Variants in PLD5 observed in about 807,000 individuals in gnomAD.
PLD5 encodes phospholipase D family member 5, also known as inactive phospholipase D5.
A neutral mutation model predicts 61.1 loss-of-function variants in PLD5; 36 were observed. The ratio of observed to expected loss-of-function variants is 0.59; its 90% CI spans 0.45 to 0.78. The LOEUF (loss-of-function observed/expected upper bound fraction) is 0.78, where lower values mean the gene tolerates loss of function less well. PLD5 is among the 30% of genes least tolerant of loss of function. The pLI, the probability that PLD5 is intolerant of heterozygous loss-of-function variation, is 0.00. For missense variants in PLD5, 515 were observed against 644.4 expected (o/e 0.80, Z 2.17); for synonymous variants, 243 against 242.8 (o/e 1.00, Z -0.01).
intron 5 of PLD5, among the ~76,000 whole-genome samples, chr1:242,201,436 T>C (rs1238009890): frequency 2.0e-5 from 3 of 152,160 alleles, no homozygotes; most frequent in Non-Finnish European, 2.9e-5. Context: ...AGTGAATCTT[T>C]GTTAATATAG....
chr1:242,097,664 A>G lies in PLD5; in HGVS notation c.1354+3004T>C, dbSNP rs372883364. ...GATATTAGCCCTTTGTCAGATGAGT[A>G]GATTGCAAAAATTTTCTCCCATTCT... is the stretch of plus-strand genomic sequence containing the variant. On this transcript the variant is annotated intron_variant, in intron 9 of 9. Transcript: ENST00000536534. 1.4e-3 allele frequency among the ~76,000 whole-genome samples: 219 copies of G among 152,296 alleles called. 3 individuals are homozygous for G. In the East Asian group the frequency reaches 0.036, roughly 25 times the overall value.
chr1:242,496,701 AG>A (rs1668381270), intron 1 of PLD5, among the ~76,000 whole-genome samples: 1 of 152,230 alleles, frequency 6.6e-6, no homozygotes, highest in African/African-American at 2.4e-5. Context: ...TATCTAAAGA[AG>A]CTCAGAACTC....
At chr1:242,168,846 G>GTTTTTTTGTTTTTTTTTT (rs1666520219) in intron 5 of PLD5, among the ~76,000 whole-genome samples, 1 of 111,266 alleles carries the variant, frequency 9.0e-6, no homozygotes, top group African/African-American at 3.7e-5. Flanking sequence ...AATTAATGAA[G>GTTTTTTTGTTTTTTTTTT]TTTTTTTTTT....
chr1:242,491,853 A>G (rs1668163646), intron 1 of PLD5, among the ~76,000 whole-genome samples: 1 of 152,206 alleles, frequency 6.6e-6, no homozygotes, highest in Non-Finnish European at 1.5e-5. Flanking sequence ...CTTTCCACAC[A>G]TATTCTTAAC....
At position 242,139,635 on chromosome 1, in the gene PLD5, C is replaced by T. The variant is rs950607715; in HGVS notation, c.736-14970G>A. Among the ~76,000 whole-genome samples the T allele has an allele frequency of 8.5e-5, 13 of 152,232 alleles. No homozygotes were observed. The East Asian group carries it at 1.4e-3, about 16-fold the overall frequency. On this transcript the variant is annotated intron_variant, in intron 5 of 9. Transcript: ENST00000536534. ...CTCCTCTCCCTGCAGTTTCCTTTTG[C>T]GCCTTGCAGTGGTGAGAAGCTGCTT... is the stretch of plus-strand genomic sequence containing the variant.
chr1:242,150,822 T>C (rs1156303798), intron 5 of PLD5, among the ~76,000 whole-genome samples: 1 of 151,918 alleles, frequency 6.6e-6, no homozygotes, highest in Non-Finnish European at 1.5e-5. Flanking sequence ...TAGATTAAAA[T>C]GTACTATTTT....
rs1558344353 is a variant in PLD5, at chr1:242,207,884, A to ATTTATATATTT, written c.735+12103_735+12104insAAATATATAAA. Among the ~76,000 whole-genome samples the ATTTATATATTT allele has an allele frequency of 7.0e-5, 2 of 28,622 alleles. 1 individual carries two copies. The highest frequency in any genetic ancestry group is 1.2e-4 in the Non-Finnish European group (2 of 16,882). The allele number at this position is 28,622 out of a possible 152,430, so 18.8% of individuals were successfully genotyped here. Reference sequence around the variant, plus strand: ...TTTATATATTTATATATATTTATATATTTATATATATTTATATATTTATAT... The same window carrying ATTTATATATTT: ...TTTATATATTTATATATATTTATATATTTATATATTTTTTATATATATTTATATATTTATAT... On this transcript the variant is annotated intron_variant, in intron 5 of 9. Transcript: ENST00000536534.
At chr1:242,395,683 A>T (rs1249196878) in intron 1 of PLD5, among the ~76,000 whole-genome samples, 1 of 152,162 alleles carries the variant, frequency 6.6e-6, no homozygotes, top group Non-Finnish European at 1.5e-5. Context: ...ACATAAAGAG[A>T]TGCAACCTGG....
intron 1 of PLD5, among the ~76,000 whole-genome samples, chr1:242,510,188 C>T (rs927184644): frequency 9.9e-5 from 15 of 152,074 alleles, no homozygotes; most frequent in African/African-American, 3.1e-4. Flanking sequence ...ACCCCTTTCC[C>T]GCACGCAGGC....
intron 5 of PLD5, among the ~76,000 whole-genome samples, chr1:242,181,230 T>G (rs1667496846): frequency 6.6e-6 from 1 of 152,120 alleles, no homozygotes; most frequent in Non-Finnish European, 1.5e-5. Flanking sequence ...AGCTCTCAAA[T>G]GATGCCAATA....
rs113712802 is a variant in PLD5, at chr1:242,404,075, T to G, written c.190-55833A>C. Among the ~76,000 whole-genome samples, 568 of 152,270 alleles carry G rather than the reference T, an allele frequency of 3.7e-3. 5 individuals carry two copies. The highest frequency in any genetic ancestry group is 0.013 in the African/African-American group (541 of 41,544). On this transcript the variant is annotated intron_variant, in intron 1 of 9. Coordinates refer to ENST00000536534, the MANE Select transcript of PLD5 (RefSeq NM_001372062.1). ...TATGCCAGTGCTGGAGATAGAGCTG[T>G]GGGCAACAGAAACCGGTCCCTGCCC...
chr1:242,349,884 G>A (rs1484704896), intron 1 of PLD5, among the ~76,000 whole-genome samples: 1 of 152,168 alleles, frequency 6.6e-6, no homozygotes, highest in African/African-American at 2.4e-5. Flanking sequence ...TCATGAATGA[G>A]TCTCAGAGAT....
At chr1:242,117,968 G>C (rs1321067015) in intron 6 of PLD5, among the ~76,000 whole-genome samples, 1 of 74,984 alleles carries the variant, frequency 1.3e-5, no homozygotes, top group Non-Finnish European at 2.4e-5. Context: ...TCTGAAATGT[G>C]TCCAAATGCT....
At chr1:242,215,901 A>T (rs1670160722) in intron 5 of PLD5, among the ~76,000 whole-genome samples, 1 of 152,174 alleles carries the variant, frequency 6.6e-6, no homozygotes, top group Non-Finnish European at 1.5e-5. Flanking sequence ...TGCTACCTGT[A>T]CCTGCTACAC....
chr1:242,093,751 A>C (rs4658614), intron 9 of PLD5, among the ~76,000 whole-genome samples: 33,392 of 151,772 alleles, frequency 0.22, 3,839 homozygotes, highest in Middle Eastern at 0.3. Flanking sequence ...GAATTCTGCT[A>C]CGTGCATGTG....
intron 2 of PLD5, among the ~76,000 whole-genome samples, chr1:242,343,827 T>C (rs1193022554): frequency 1.3e-5 from 2 of 149,158 alleles, no homozygotes; most frequent in Admixed American, 1.3e-4. Flanking sequence ...GCAGGAAGCA[T>C]GGTGGTATGC....
At chr1:242,111,747 T>C (rs1301329268) in intron 7 of PLD5, among the ~76,000 whole-genome samples, 10 of 152,210 alleles carry the variant, frequency 6.6e-5, no homozygotes, top group South Asian at 4.1e-4. Flanking sequence ...TCTTGATGCT[T>C]GGACGACTAC....
At chr1:242,183,200 A>T (rs2840624) in intron 5 of PLD5, among the ~76,000 whole-genome samples, 123,604 of 152,226 alleles carry the variant, frequency 0.81, 50,377 homozygotes, top group South Asian at 0.94. Flanking sequence ...ATCTTTTAAA[A>T]TTTTAATAAG....
chr1:242,132,916 AC>A (rs1663403369), intron 5 of PLD5, among the ~76,000 whole-genome samples: 1 of 151,922 alleles, frequency 6.6e-6, no homozygotes, highest in Non-Finnish European at 1.5e-5. Flanking sequence ...GAGGAAGGGA[AC>A]CTAAGACTGA....
Sources: allele counts gnomAD v4.1 joint callset (sites outside exome capture counted in the v4.1 genomes callset), GRCh38; gene constraint gnomAD v4.1.1; transcripts MANE v1.5; gene names NCBI Gene and HGNC (gene_info 2026-07-23, HGNC 2026-07-21).